SLC38A12: variants seen among roughly 807,000 people sequenced by gnomAD.
SLC38A12 encodes the protein solute carrier family 38 member 12.
At chr17:74,834,031 C>T in the SLC38A12 span, among the ~76,000 whole-genome samples, 4 of 152,236 alleles carry the variant, frequency 2.6e-5, no homozygotes, top group South Asian at 8.3e-4. Context: ...CCTGTCTGCT[C>T]TCTCCCCGGT....
the SLC38A12 span, chr17:74,795,653 G>A: frequency 2.6e-5 from 42 of 1,595,220 alleles, no homozygotes; most frequent in Non-Finnish European, 3.6e-5. Flanking sequence ...GTGCCTCTGT[G>A]CCGCCTGCCC....
chr17:74,811,059 G>A, the SLC38A12 span, among the ~76,000 whole-genome samples: 5 of 152,244 alleles, frequency 3.3e-5, no homozygotes, highest in Admixed American at 6.5e-5. Context: ...GCTGGGCACC[G>A]TGGCTTACGC....
chr17:74,812,378 A>G, the SLC38A12 span, among the ~76,000 whole-genome samples: 1 of 152,174 alleles, frequency 6.6e-6, no homozygotes, highest in African/African-American at 2.4e-5. Flanking sequence ...ACTGTAATTC[A>G]AGTTGAGAAA....
the SLC38A12 span, among the ~76,000 whole-genome samples, chr17:74,813,512 C>T: frequency 6.6e-6 from 1 of 151,456 alleles, no homozygotes; most frequent in Non-Finnish European, 1.5e-5. Context: ...TTTTTTGAGA[C>T]AGGGTCTCGC....
chr17:74,834,833 C>T, the SLC38A12 span, among the ~76,000 whole-genome samples: 1,307 of 152,346 alleles, frequency 8.6e-3, 28 homozygotes, highest in African/African-American at 0.029. Flanking sequence ...GCTTGGTCAG[C>T]TTCAGAACAG....
the SLC38A12 span, chr17:74,836,301 T>C: frequency 1.2e-6 from 2 of 1,612,566 alleles, no homozygotes; most frequent in African/African-American, 1.3e-5. The surrounding 1 kb of genome is among the most constrained non-coding windows in gnomAD (Gnocchi z 4.2). Context: ...CAGCACCAAC[T>C]TCCCCATCAT....
chr17:74,799,312 C>T, the SLC38A12 span, among the ~76,000 whole-genome samples: 14 of 152,344 alleles, frequency 9.2e-5, no homozygotes, highest in South Asian at 6.2e-4. Context: ...GAGCCGGGAA[C>T]GCAGATGGCA....
chr17:74,834,261 G>A, the SLC38A12 span, among the ~76,000 whole-genome samples: 1 of 151,996 alleles, frequency 6.6e-6, no homozygotes, highest in East Asian at 1.9e-4. Flanking sequence ...GAACTAGGTC[G>A]CCGCTTCCGC....
the SLC38A12 span, among the ~76,000 whole-genome samples, chr17:74,808,812 G>A: frequency 3.9e-5 from 6 of 152,218 alleles, no homozygotes; most frequent in African/African-American, 7.2e-5. Flanking sequence ...GGGCCACAGC[G>A]TGTGTTCTGG....
At chr17:74,808,112 C>G in the SLC38A12 span, among the ~76,000 whole-genome samples, 1 of 152,238 alleles carries the variant, frequency 6.6e-6, no homozygotes, top group Non-Finnish European at 1.5e-5. Context: ...TACCATCTGG[C>G]TTTTCAGCCG....
chr17:74,788,908 T>G, the SLC38A12 span: 1 of 1,587,892 alleles, frequency 6.3e-7, no homozygotes, highest in Non-Finnish European at 8.6e-7. Flanking sequence ...CATGCCTCTG[T>G]TCCGTCAGGT....
At chr17:74,826,963 C>A in the SLC38A12 span, among the ~76,000 whole-genome samples, 1 of 152,134 alleles carries the variant, frequency 6.6e-6, no homozygotes, top group East Asian at 1.9e-4. Context: ...TTGCCCTCCT[C>A]CCCATCCCTG....
the SLC38A12 span, among the ~76,000 whole-genome samples, chr17:74,786,235 A>C: frequency 6.6e-6 from 1 of 152,208 alleles, no homozygotes; most frequent in Non-Finnish European, 1.5e-5. Flanking sequence ...CGTAGGGACT[A>C]GTCTGAAGTT....
the SLC38A12 span, among the ~76,000 whole-genome samples, chr17:74,779,790 C>G: frequency 6.6e-6 from 1 of 152,216 alleles, no homozygotes; most frequent in African/African-American, 2.4e-5. Context: ...CCTTAGCTCT[C>G]TATTGCCCCA....
the SLC38A12 span, chr17:74,836,008 C>T: frequency 1.1e-4 from 177 of 1,611,780 alleles, no homozygotes; most frequent in South Asian, 4.8e-4. The surrounding 1 kb of genome is among the most constrained non-coding windows in gnomAD (Gnocchi z 4.2). Flanking sequence ...GCTGACTTCT[C>T]GGGGGTCCGG....
the SLC38A12 span, among the ~76,000 whole-genome samples, chr17:74,830,397 A>G: frequency 2.0e-5 from 3 of 152,198 alleles, no homozygotes; most frequent in African/African-American, 7.2e-5. Flanking sequence ...CCTGCCAAGG[A>G]GAGAGGCCGT....
chr17:74,831,007 T>A, the SLC38A12 span, among the ~76,000 whole-genome samples: 2 of 152,168 alleles, frequency 1.3e-5, no homozygotes, highest in Non-Finnish European at 2.9e-5. Context: ...CCTCCTCGTC[T>A]CTACCCCGCA....
the SLC38A12 span, among the ~76,000 whole-genome samples, chr17:74,777,946 T>C: frequency 2.6e-5 from 4 of 152,214 alleles, no homozygotes; most frequent in African/African-American, 9.6e-5. Flanking sequence ...ATCTCCAGGC[T>C]ACCACACTTG....
the SLC38A12 span, among the ~76,000 whole-genome samples, chr17:74,828,746 G>A: frequency 1.4e-5 from 2 of 148,080 alleles, no homozygotes; most frequent in African/African-American, 5.3e-5. Flanking sequence ...GGCTTTTCGA[G>A]AAGGATTGGT....
Sources: gnomAD v4.1 joint callset for allele counts (sites outside exome capture counted in the v4.1 genomes callset) on GRCh38, gnomAD v4.1.1 for gene constraint, Gnocchi (gnomAD v3.1) non-coding constraint, MANE v1.5 for transcripts, NCBI Gene and HGNC (gene_info 2026-07-23, HGNC 2026-07-21) for gene names.